Variants in FIGN observed in about 807,000 individuals in gnomAD.
The protein encoded by FIGN is fidgetin.
A neutral mutation model predicts 51.3 loss-of-function variants in FIGN; 11 were observed. The ratio of observed to expected loss-of-function variants is 0.21; its 90% CI spans 0.13 to 0.35. The LOEUF is 0.35. FIGN is among the 10% of genes least tolerant of loss of function. The probability of loss-of-function intolerance (pLI) is 1.00; values close to 1 mark genes in which losing one functional copy is unlikely to be tolerated. For missense variants in FIGN, 857 were observed against 943.6 expected, an observed-to-expected ratio of 0.91 and a Z score of 1.20; for synonymous variants, 407 against 363.2, an observed-to-expected ratio of 1.12 and a Z score of -1.37.
intron 2 of FIGN, among the ~76,000 whole-genome samples, chr2:163,618,290 T>C (rs963117432): frequency 6.6e-6 from 1 of 152,206 alleles, no homozygotes; most frequent in East Asian, 1.9e-4. Flanking sequence ...ATTCTAATTA[T>C]ATAACAATAC....
In FIGN at chr2:163,674,115, C is replaced by T. The variant is rs74852292; in HGVS notation, c.25+60788G>A. Among the ~76,000 whole-genome samples, 282 of 152,226 alleles carry T rather than the reference C, an allele frequency of 1.9e-3. 1 individual carries two copies. The highest frequency in any genetic ancestry group is 6.2e-3 in the African/African-American group (259 of 41,540). ...TTTCTCACTTCTCTCTCAGTACTCACCTCCCTTACATGATACTATACATGT... is the reference window on the plus strand; with the variant it reads ...TTTCTCACTTCTCTCTCAGTACTCATCTCCCTTACATGATACTATACATGT... On this transcript the variant is annotated intron_variant, in intron 2 of 2. Transcript: ENST00000333129.
At chr2:163,707,701 AT>A (rs1340286177) in intron 2 of FIGN, among the ~76,000 whole-genome samples, 1 of 152,092 alleles carries the variant, frequency 6.6e-6, no homozygotes, top group Non-Finnish European at 1.5e-5. Context: ...GCAGTGATCT[AT>A]TTATGGAAAT....
intron 2 of FIGN, among the ~76,000 whole-genome samples, chr2:163,695,940 G>C (rs990490600): frequency 6.6e-6 from 1 of 151,940 alleles, no homozygotes; most frequent in Non-Finnish European, 1.5e-5. Context: ...AAACCCCAGG[G>C]TCTCTACTAA....
chr2:163,689,726 A>G (rs1224449472), intron 2 of FIGN, among the ~76,000 whole-genome samples: 1 of 152,144 alleles, frequency 6.6e-6, no homozygotes, highest in African/African-American at 2.4e-5. Flanking sequence ...AGGCAACATA[A>G]AAATATAGGA....
intron 2 of FIGN, chr2:163,612,470 A>G (rs1682766463): frequency 1.0e-6 from 1 of 985,178 alleles, no homozygotes; most frequent in Admixed American, 6.2e-5. Context: ...TGCTTCGTGG[A>G]GTGCAGCAAA....
chr2:163,711,803 C>T lies in FIGN; in HGVS notation c.25+23100G>A, dbSNP rs961283976. Among the ~76,000 whole-genome samples the T allele has an allele frequency of 8.6e-5, 13 of 152,018 alleles. No individual in the cohort carries two copies. In the East Asian group the frequency reaches 1.3e-3, roughly 16 times the overall value. ...ATGCAATCTGTTACGGAAAACTGAA[C>T]GTTAGATTAAGAATGAGGTTAGAGG... On this transcript the variant is annotated intron_variant, in intron 2 of 2. Coordinates refer to ENST00000333129, the MANE Select transcript of FIGN (RefSeq NM_018086.4).
chr2:163,606,894 A>T lies in FIGN; in HGVS notation c.*2658T>A, dbSNP rs1691123115. 6.6e-6 allele frequency: 1 copy of T among 152,192 alleles called. No individual in the cohort carries two copies. The highest frequency in any genetic ancestry group is 2.4e-5 in the African/African-American group (1 of 41,450). 9.4% of individuals were successfully genotyped at this position (152,192 alleles called of 1,614,324 possible). A position where few individuals can be genotyped will look rare whatever the true frequency, so the allele number is the denominator to read the frequency against. ...CACTTGCATCTCAAATTAATTTTTA[A>T]GTCACTCAGAGTTCTAATTTTTAAG... is the stretch of plus-strand genomic sequence containing the variant. On this transcript the variant is annotated 3_prime_UTR_variant, in exon 3 of 3. Transcript: ENST00000333129.
chr2:163,726,340 G>C (rs532700448), intron 2 of FIGN, among the ~76,000 whole-genome samples: 1 of 152,118 alleles, frequency 6.6e-6, no homozygotes, highest in African/African-American at 2.4e-5. Flanking sequence ...ATAAGGGCAG[G>C]GGGGATAAGA....
intron 2 of FIGN, among the ~76,000 whole-genome samples, chr2:163,700,839 A>G (rs1341816495): frequency 6.6e-6 from 1 of 152,134 alleles, no homozygotes; most frequent in African/African-American, 2.4e-5. Context: ...CCAGGGCCCA[A>G]AACAACACAC....
chr2:163,732,638 C>A (rs374791809), intron 2 of FIGN, among the ~76,000 whole-genome samples: 1 of 152,174 alleles, frequency 6.6e-6, no homozygotes, highest in South Asian at 2.1e-4. Flanking sequence ...TCAACTGTTA[C>A]GTCCAGAAAA....
Position 163,727,396 on chromosome 2 carries a change from A to T in FIGN, c.25+7507T>A, listed in dbSNP as rs550481180. On this transcript the variant is annotated intron_variant, in intron 2 of 2. Coordinates refer to ENST00000333129, the MANE Select transcript of FIGN (RefSeq NM_018086.4). ...CAATGGCTTAGTTAAAAAAAAAAAA[A>T]ATATTCCTAAACTGTGGGGTAAATT... Among the ~76,000 whole-genome samples, 360 of 151,966 alleles carry T rather than the reference A, an allele frequency of 2.4e-3. 3 individuals carry two copies. Among genetic ancestry groups the T allele is most frequent in the African/African-American group, 7.7e-3 (320 of 41,424 alleles).
chr2:163,665,135 G>C (rs1683752981), intron 2 of FIGN, among the ~76,000 whole-genome samples: 1 of 152,244 alleles, frequency 6.6e-6, no homozygotes, highest in Non-Finnish European at 1.5e-5. Flanking sequence ...GGACAGTGCT[G>C]TTTAATTTCT....
chr2:163,632,470 A>G (rs886065631), intron 2 of FIGN, among the ~76,000 whole-genome samples: 3 of 152,162 alleles, frequency 2.0e-5, no homozygotes, highest in African/African-American at 4.8e-5. Flanking sequence ...ACCAGCTGGC[A>G]CTTGGCTTCA....
At chr2:163,620,433 T>G (rs1682948217) in intron 2 of FIGN, among the ~76,000 whole-genome samples, 2 of 152,146 alleles carry the variant, frequency 1.3e-5, no homozygotes, top group South Asian at 4.1e-4. Context: ...ACTACCCTTG[T>G]TCTGCAGTAT....
At chr2:163,660,853 G>T (rs377362780) in intron 2 of FIGN, among the ~76,000 whole-genome samples, 1 of 36,318 alleles carries the variant, frequency 2.8e-5, no homozygotes, top group African/African-American at 1.1e-4. Flanking sequence ...ATATATATAT[G>T]TATACATATA....
At chr2:163,722,530 C>G (rs1250986679) in intron 2 of FIGN, among the ~76,000 whole-genome samples, 1 of 152,094 alleles carries the variant, frequency 6.6e-6, no homozygotes, top group Non-Finnish European at 1.5e-5. Context: ...ATTTTTCTGT[C>G]TGCAAACACA....
chr2:163,629,952 CTTTTTT>C (rs71297448), intron 2 of FIGN, among the ~76,000 whole-genome samples: 5 of 56,924 alleles, frequency 8.8e-5, no homozygotes, highest in Admixed American at 4.7e-4. Flanking sequence ...GAAAGGGGCA[CTTTTTT>C]TTTTTTTTTT....
chr2:163,643,932 C>CAAAAAAA lies in FIGN; in HGVS notation c.26-32133_26-32127dup, dbSNP rs1162234909. The stretch of plus-strand genomic sequence containing the variant: ...GGGCAACAAGAGCGAAACTCTGTCT[C>CAAAAAAA]AAAAAAAAAAAAAAAAAAAAAAAAA... On this transcript the variant is annotated intron_variant, in intron 2 of 2. Coordinates refer to ENST00000333129, the MANE Select transcript of FIGN (RefSeq NM_018086.4). Among the ~76,000 whole-genome samples the CAAAAAAA allele has an allele frequency of 8.9e-3, 170 of 19,066 alleles. 49 individuals carry two copies. Among genetic ancestry groups the CAAAAAAA allele is most frequent in the Non-Finnish European group, 0.011 (111 of 10,426 alleles). 12.5% of individuals were successfully genotyped at this position (19,066 alleles called of 152,430 possible). A position where few individuals can be genotyped will look rare whatever the true frequency, so the allele number is the denominator to read the frequency against.
rs537975422 is a variant in FIGN, at chr2:163,724,770, TAA to T, written c.25+10131_25+10132del. Among the ~76,000 whole-genome samples the T allele has an allele frequency of 1.8e-4, 28 of 152,092 alleles. 1 individual carries two copies. Among genetic ancestry groups the T allele is most frequent in the African/African-American group, 6.5e-4 (27 of 41,414 alleles). ...AAAACTTGAGTATGTTAAGAGAGAA[TAA>T]AAGAGTCTGAGAATAAGTTGAACCA... On this transcript the variant is annotated intron_variant, in intron 2 of 2. Coordinates refer to ENST00000333129, the MANE Select transcript of FIGN (RefSeq NM_018086.4).
Sources: allele counts gnomAD v4.1 joint callset (sites outside exome capture counted in the v4.1 genomes callset), GRCh38; gene constraint gnomAD v4.1.1; transcripts MANE v1.5; gene names NCBI Gene and HGNC (gene_info 2026-07-23, HGNC 2026-07-21).